Variants in MGRN1 observed in about 807,000 individuals in gnomAD.
MGRN1 encodes E3 ubiquitin-protein ligase MGRN1.
MGRN1 carries 29 observed loss-of-function variants against 69.2 expected under a neutral mutation model. That is an observed-to-expected ratio of 0.42 (90% CI 0.31 to 0.57). The LOEUF (loss-of-function observed/expected upper bound fraction) is 0.57, where lower values mean the gene tolerates loss of function less well. Ranked by LOEUF, MGRN1 falls within the 20% of genes least tolerant of loss-of-function variation. The pLI is 0.15. For synonymous variants in MGRN1, 470 were observed against 344.2 expected, an observed-to-expected ratio of 1.37 and a Z score of -4.04; for missense variants, 998 against 796.2, an observed-to-expected ratio of 1.25 and a Z score of -3.05.
At chr16:4,625,944 C>G (rs1437383592) in intron 1 of MGRN1, among the ~76,000 whole-genome samples, 1 of 152,216 alleles carries the variant, frequency 6.6e-6, no homozygotes, top group Non-Finnish European at 1.5e-5. Context: ...ATGTCTCAGT[C>G]TCCTGGGTGT....
intron 11 of MGRN1, among the ~76,000 whole-genome samples, chr16:4,678,584 CAGGG>C (rs1363786859): frequency 6.6e-6 from 1 of 151,786 alleles, no homozygotes; most frequent in Non-Finnish European, 1.5e-5. Flanking sequence ...TGGAGAGACA[CAGGG>C]AGAGACAGAG....
intron 4 of MGRN1, among the ~76,000 whole-genome samples, chr16:4,653,582 G>A (rs146181813): frequency 2.3e-4 from 35 of 149,770 alleles, no homozygotes; most frequent in Non-Finnish European, 4.0e-4. Flanking sequence ...TCCGCCTCCC[G>A]AGTTGAAGCA....
intron 8 of MGRN1, among the ~76,000 whole-genome samples, chr16:4,670,621 G>T (rs908291934): frequency 2.0e-5 from 3 of 152,264 alleles, no homozygotes; most frequent in African/African-American, 7.2e-5. Context: ...ATGGGAGGTG[G>T]AGGCAGGAGG....
At chr16:4,674,024 G>A (rs987865469) in intron 10 of MGRN1, among the ~76,000 whole-genome samples, 1 of 152,078 alleles carries the variant, frequency 6.6e-6, no homozygotes, top group Non-Finnish European at 1.5e-5. Flanking sequence ...TCGTGCTGTC[G>A]CCCAGGCTGG....
Position 4,688,912 on chromosome 16 carries a change from C to A in MGRN1, c.*4C>A, listed in dbSNP as rs551973500. 3 of 1,537,384 alleles carry A rather than the reference C, an allele frequency of 2.0e-6. No homozygotes were observed. The highest frequency in any genetic ancestry group is 2.6e-6 in the Non-Finnish European group (3 of 1,136,906). ...CGCCGAGCTGACCCCACTCTGAGAG[C>A]CTGGCCGAGCTGGCAGCATGGAGCC... On this transcript the variant is annotated 3_prime_UTR_variant, in exon 17 of 17. Coordinates refer to ENST00000262370, the MANE Select transcript of MGRN1 (RefSeq NM_015246.4).
intron 5 of MGRN1, among the ~76,000 whole-genome samples, chr16:4,657,638 C>T (rs751177043): frequency 6.6e-6 from 1 of 152,164 alleles, no homozygotes; most frequent in Non-Finnish European, 1.5e-5. Context: ...GAATGGGGCA[C>T]CCCCTGCCAG....
intron 1 of MGRN1, among the ~76,000 whole-genome samples, chr16:4,626,815 C>A (rs1032643510): frequency 2.0e-5 from 3 of 152,216 alleles, no homozygotes; most frequent in Non-Finnish European, 4.4e-5. Context: ...AGAACACTCG[C>A]GTCAGCCACT....
chr16:4,650,336 T>A (rs76586553), intron 1 of MGRN1, 29 bp from the exon 2 acceptor site: 7 of 1,342,714 alleles, frequency 5.2e-6, no homozygotes, highest in Non-Finnish European at 7.3e-6. Flanking sequence ...AAAAAAAAAA[T>A]CTATAATCGT....
At position 4,662,674 on chromosome 16, in the gene MGRN1, G is replaced by A. The variant is rs185376534; in HGVS notation, c.562-2035G>A. 1.5e-3 allele frequency among the ~76,000 whole-genome samples: 226 copies of A among 152,326 alleles called. 1 individual carries two copies. Among genetic ancestry groups the A allele is most frequent in the Non-Finnish European group, 2.5e-3 (168 of 68,022 alleles). ...TTGACCCCATTTTACAAGGAAAGAA[G>A]CCGAGGCTCGGAGGGAGGAGGGCCT... On this transcript the variant is annotated intron_variant, in intron 5 of 16. Transcript: ENST00000262370.
intron 16 of MGRN1, 37 bp from the exon 17 acceptor site, chr16:4,688,759 C>A: frequency 6.6e-7 from 1 of 1,516,244 alleles, no homozygotes; most frequent in Non-Finnish European, 8.9e-7. Flanking sequence ...CACCAGGCAT[C>A]CGAGTGTGAC....
At chr16:4,664,854 A>G (rs1256822364) in intron 6 of MGRN1, 79 bp downstream of exon 6, 3 of 1,559,196 alleles carry the variant, frequency 1.9e-6, no homozygotes, top group East Asian at 4.5e-5. Flanking sequence ...GAGTGCTTGC[A>G]GCAGTGATGA....
At position 4,686,549 on chromosome 16, in the gene MGRN1, C is replaced by T. The variant is rs550552323; in HGVS notation, c.1619-2247C>T. The T allele has an allele frequency of 1.0e-3, 1,401 of 1,337,202 alleles. 2 individuals carry two copies. The highest frequency in any genetic ancestry group is 1.5e-3 in the African/African-American group (101 of 67,104). The allele number at this position is 1,337,202 out of a possible 1,614,324, so 82.8% of individuals were successfully genotyped here. ...GGTCTCTCCATCTGGACTAGGCGGCCGGTCAGGCTCTTCTTCCAGCCTTGA... is the reference window on the plus strand; with the variant it reads ...GGTCTCTCCATCTGGACTAGGCGGCTGGTCAGGCTCTTCTTCCAGCCTTGA... On this transcript the variant is annotated intron_variant, in intron 16 of 16. Coordinates refer to ENST00000262370, the MANE Select transcript of MGRN1 (RefSeq NM_015246.4).
At chr16:4,677,673 T>C in intron 11 of MGRN1, 101 bp downstream of exon 11, 1 of 1,130,876 alleles carries the variant, frequency 8.8e-7, no homozygotes, top group South Asian at 1.4e-5. Context: ...CCGTGTTCTC[T>C]TCTGTCCAGT....
chr16:4,661,281 C>G (rs1425148967), intron 5 of MGRN1, among the ~76,000 whole-genome samples: 1 of 152,166 alleles, frequency 6.6e-6, no homozygotes, highest in African/African-American at 2.4e-5. Flanking sequence ...GTCAGGCCCA[C>G]CAGTCTGCAG....
intron 16 of MGRN1, chr16:4,688,095 C>T (rs752758783): frequency 3.5e-4 from 343 of 985,568 alleles, no homozygotes; most frequent in Non-Finnish European, 3.8e-4. Context: ...AGAAAATAGA[C>T]GCCCTTCACC....
chr16:4,659,981 C>T (rs1030090050), intron 5 of MGRN1, among the ~76,000 whole-genome samples: 6 of 152,150 alleles, frequency 3.9e-5, no homozygotes, highest in African/African-American at 1.2e-4. Flanking sequence ...CCATTTGGGG[C>T]GGGGGCCTCC....
At chr16:4,655,370 C>G (rs2078510854) in intron 4 of MGRN1, among the ~76,000 whole-genome samples, 1 of 152,208 alleles carries the variant, frequency 6.6e-6, no homozygotes. Context: ...TCACCCTCTC[C>G]TAGACCCCTG....
chr16:4,664,793 C>T lies in MGRN1; in HGVS notation c.628+18C>T, dbSNP rs200132461. ...AGGAGATGGTGAGTGCGTCCTCTTCCGTCCTCCTGGGCGTGCAGGCCGTGC... is the reference window on the plus strand; with the variant it reads ...AGGAGATGGTGAGTGCGTCCTCTTCTGTCCTCCTGGGCGTGCAGGCCGTGC... On this transcript the variant is annotated intron_variant, in intron 6 of 16. Coordinates refer to ENST00000262370, the MANE Select transcript of MGRN1 (RefSeq NM_015246.4). 81 of 1,613,904 alleles carry T rather than the reference C, an allele frequency of 5.0e-5. No homozygotes were observed. In the Middle Eastern group the frequency reaches 2.3e-3, roughly 46 times the overall value.
rs950368067 is a variant in MGRN1 at position 4,646,844 on chromosome 16, G to A, written c.89-3521G>A. Among the ~76,000 whole-genome samples, 8 of 152,198 alleles carry A rather than the reference G, an allele frequency of 5.3e-5. No individual in the cohort carries two copies. In the South Asian group the frequency reaches 1.7e-3, roughly 32 times the overall value. On this transcript the variant is annotated intron_variant, in intron 1 of 16. Coordinates refer to ENST00000262370, the MANE Select transcript of MGRN1 (RefSeq NM_015246.4). ...TGCCTTGAAGGTGCCCTGGGAGGAG[G>A]TTGGAGCAGGAGGCTTCTGGACCAG... is the stretch of plus-strand genomic sequence containing the variant.
Sources: gnomAD v4.1 joint callset for allele counts (sites outside exome capture counted in the v4.1 genomes callset) on GRCh38, gnomAD v4.1.1 for gene constraint, MANE v1.5 for transcripts, NCBI Gene and HGNC (gene_info 2026-07-23, HGNC 2026-07-21) for gene names.